The following MIS18BP1 variants were observed in gnomAD, a reference collection of about 807,000 sequenced individuals.
MIS18BP1 encodes the protein mis18-binding protein 1.
A neutral mutation model predicts 116.1 loss-of-function variants in MIS18BP1; 72 were observed. That is an observed-to-expected ratio of 0.62 (90% confidence interval 0.51 to 0.75). MIS18BP1 has a LOEUF of 0.75. Ranked by LOEUF, MIS18BP1 falls within the 30% of genes least tolerant of loss-of-function variation. The pLI is 0.00. For synonymous variants in MIS18BP1, 386 were observed against 427.0 expected, an observed-to-expected ratio of 0.90 and a Z score of 1.18; for missense variants, 1,363 against 1,303.2, an observed-to-expected ratio of 1.05 and a Z score of -0.71.
intron 1 of MIS18BP1, among the ~76,000 whole-genome samples, chr14:45,249,298 G>A (rs912096330): frequency 6.6e-6 from 1 of 152,084 alleles, no homozygotes; most frequent in Non-Finnish European, 1.5e-5. Flanking sequence ...CACCATATTG[G>A]TCAGGCTGGT....
chr14:45,218,322 A>G lies in MIS18BP1; in HGVS notation c.2802T>C (p.His934=). ...ENPRGKGSQK[H]VTKKKPANSK... ...AATTGGCTGGCTTCTTCTTAGTGAC[A>G]TGTTTCTGGGATCCTTTTCCTCTGG... is the stretch of plus-strand genomic sequence containing the variant. The change falls in exon 12 of 17, where the codon CAT becomes CAC. Residue 934 remains histidine (H), a synonymous_variant. Coordinates refer to ENST00000310806, the MANE Select transcript of MIS18BP1 (RefSeq NM_018353.5). 1 of 1,613,988 alleles carries G rather than the reference A, an allele frequency of 6.2e-7. No individual in the cohort carries two copies. Among genetic ancestry groups the G allele is most frequent in the Non-Finnish European group, 8.5e-7 (1 of 1,179,986 alleles).
chr14:45,209,604 C>T (rs1215914050), intron 14 of MIS18BP1, among the ~76,000 whole-genome samples: 1 of 152,120 alleles, frequency 6.6e-6, no homozygotes, highest in Non-Finnish European at 1.5e-5. Context: ...CAGGCTTCAG[C>T]CACTGTGCCT....
At chr14:45,250,129 G>A (rs1007965763) in intron 1 of MIS18BP1, 3 of 152,114 alleles carry the variant, frequency 2.0e-5, no homozygotes, top group Non-Finnish European at 2.9e-5. Context: ...GTTTCCTAAT[G>A]TCCCTGCCCC....
intron 8 of MIS18BP1, among the ~76,000 whole-genome samples, chr14:45,229,806 C>T (rs1318770341): frequency 6.6e-6 from 1 of 151,970 alleles, no homozygotes; most frequent in Non-Finnish European, 1.5e-5. Context: ...TGCCGAAGCC[C>T]CAAGGTTCCA....
At chr14:45,234,912 A>G (rs1891381486) in intron 6 of MIS18BP1, among the ~76,000 whole-genome samples, 1 of 152,200 alleles carries the variant, frequency 6.6e-6, no homozygotes, top group South Asian at 2.1e-4. Flanking sequence ...ATTTCATTTG[A>G]TATTTTAAAA....
chr14:45,206,370 T>A (rs1890517802), intron 14 of MIS18BP1, 200 bp from the exon 15 acceptor site: 1 of 464,662 alleles, frequency 2.2e-6, no homozygotes. Context: ...CACTGCAGCC[T>A]CAACCTCCTG....
chr14:45,240,411 T>C (rs183559798), intron 4 of MIS18BP1, among the ~76,000 whole-genome samples: 1 of 152,194 alleles, frequency 6.6e-6, no homozygotes, highest in Admixed American at 6.5e-5. Flanking sequence ...CCTTTTACTT[T>C]AGGTGGTAAG....
At chr14:45,223,301 G>A (rs974228673) in intron 11 of MIS18BP1, among the ~76,000 whole-genome samples, 5 of 152,156 alleles carry the variant, frequency 3.3e-5, no homozygotes, top group Admixed American at 1.3e-4. Flanking sequence ...TTGTTAGGCC[G>A]GGCACGGTGG....
intron 4 of MIS18BP1, among the ~76,000 whole-genome samples, chr14:45,240,029 T>C (rs1891533086): frequency 6.6e-6 from 1 of 152,204 alleles, no homozygotes; most frequent in Non-Finnish European, 1.5e-5. Flanking sequence ...TTGAGATGCC[T>C]ATCTGATATC....
rs763154667 is a variant in MIS18BP1 at position 45,203,952 on chromosome 14, G to A, written c.*157C>T. 8 of 1,040,536 alleles carry A rather than the reference G, an allele frequency of 7.7e-6. No individual in the cohort carries two copies. Among genetic ancestry groups the A allele is most frequent in the Non-Finnish European group, 1.1e-5 (8 of 759,798 alleles). 64.5% of individuals were successfully genotyped at this position (1,040,536 alleles called of 1,614,324 possible). A position where few individuals can be genotyped will look rare whatever the true frequency, so the allele number is the denominator to read the frequency against. On this transcript the variant is annotated 3_prime_UTR_variant, in exon 17 of 17. Coordinates refer to ENST00000310806, the MANE Select transcript of MIS18BP1 (RefSeq NM_018353.5). ...CATTTTTAGTAAGCTGCAGCAATGA[G>A]GATATTTTACTTTGAACACAAACAT...
Position 45,211,436 on chromosome 14 carries a change from T to C in MIS18BP1, c.3004-908A>G, listed in dbSNP as rs550432622. 3.9e-5 allele frequency among the ~76,000 whole-genome samples: 6 copies of C among 152,302 alleles called. No homozygotes were observed. The East Asian group carries it at 7.7e-4, about 20-fold the overall frequency. ...TTTCAAGATAAGCTGTTGGAGCAGA[T>C]TGAGCCACCTAACACCTCCTAACCC... On this transcript the variant is annotated intron_variant, in intron 13 of 16. Transcript: ENST00000310806.
chr14:45,213,605 T>C (rs1890734631), intron 13 of MIS18BP1, among the ~76,000 whole-genome samples: 1 of 152,202 alleles, frequency 6.6e-6, no homozygotes, highest in South Asian at 2.1e-4. Flanking sequence ...AGCATGAAAG[T>C]AGCCATAGAC....
At chr14:45,228,668 T>G (rs1369703252) in intron 8 of MIS18BP1, among the ~76,000 whole-genome samples, 1 of 152,216 alleles carries the variant, frequency 6.6e-6, no homozygotes, top group Admixed American at 6.5e-5. Flanking sequence ...ATTTTGTTAT[T>G]TTTCTAGAAG....
intron 15 of MIS18BP1, among the ~76,000 whole-genome samples, chr14:45,205,840 C>A (rs551761931): frequency 6.6e-6 from 1 of 152,098 alleles, no homozygotes; most frequent in Admixed American, 6.5e-5. Flanking sequence ...TTTTCCCACC[C>A]TTCATTTCCC....
intron 13 of MIS18BP1, among the ~76,000 whole-genome samples, chr14:45,211,227 C>T (rs1042059780): frequency 4.6e-5 from 7 of 152,174 alleles, no homozygotes; most frequent in African/African-American, 1.7e-4. Context: ...TTTATCTGGT[C>T]ATGTATTTCC....
At chr14:45,245,872 A>G (rs1891709672) in intron 2 of MIS18BP1, among the ~76,000 whole-genome samples, 1 of 152,178 alleles carries the variant, frequency 6.6e-6, no homozygotes, top group Non-Finnish European at 1.5e-5. Context: ...CAACACCCTA[A>G]TACCTAAACT....
At chr14:45,242,989 G>GTA in intron 2 of MIS18BP1, 115 bp from the exon 3 acceptor site, 2 of 639,350 alleles carry the variant, frequency 3.1e-6, no homozygotes, top group South Asian at 4.5e-5. Context: ...GATCAGACCA[G>GTA]TATAGTACTT....
At chr14:45,243,088 G>A (rs539670260) in intron 2 of MIS18BP1, among the ~76,000 whole-genome samples, 7 of 152,020 alleles carry the variant, frequency 4.6e-5, no homozygotes, top group East Asian at 1.9e-4. Context: ...CCAACATTAC[G>A]GTGAGGAAGA....
chr14:45,228,343 C>T (rs1468101604), intron 8 of MIS18BP1, among the ~76,000 whole-genome samples: 8 of 152,180 alleles, frequency 5.3e-5, no homozygotes, highest in Non-Finnish European at 1.0e-4. Flanking sequence ...ATATTATTCA[C>T]GACCATCTGT....
Sources: gnomAD v4.1 joint callset for allele counts (sites outside exome capture counted in the v4.1 genomes callset) on GRCh38, gnomAD v4.1.1 for gene constraint, MANE v1.5 for transcripts, NCBI Gene and HGNC (gene_info 2026-07-23, HGNC 2026-07-21) for gene names.